Variants in PLCXD2 observed in about 807,000 individuals in gnomAD.
The protein encoded by PLCXD2 is PI-PLC X domain-containing protein 2.
Under a neutral mutation model 28.6 loss-of-function variants are expected in PLCXD2, and 21 were observed. The observed-to-expected ratio is 0.73, with a 90% confidence interval of 0.52 to 1.06. PLCXD2 has a LOEUF of 1.06. Ranked by LOEUF, PLCXD2 falls within the 50% of genes least tolerant of loss-of-function variation. PLCXD2 has a pLI of 0.00. For synonymous variants in PLCXD2, 140 were observed against 150.1 expected, an observed-to-expected ratio of 0.93 and a Z score of 0.49; for missense variants, 369 against 376.7, an observed-to-expected ratio of 0.98 and a Z score of 0.17.
At chr3:111,686,482 C>G (rs1025396032) in intron 1 of PLCXD2, among the ~76,000 whole-genome samples, 4 of 152,198 alleles carry the variant, frequency 2.6e-5, no homozygotes, top group Non-Finnish European at 4.4e-5. Context: ...TATGAATACT[C>G]TCCCACATGC....
intron 1 of PLCXD2, among the ~76,000 whole-genome samples, chr3:111,682,372 T>C (rs2107839913): frequency 6.6e-6 from 1 of 152,352 alleles, no homozygotes; most frequent in East Asian, 1.9e-4. Flanking sequence ...CATTGTCTAC[T>C]AAGCAGCTAA....
At chr3:111,696,474 C>G (rs953891413) in intron 1 of PLCXD2, among the ~76,000 whole-genome samples, 1 of 152,012 alleles carries the variant, frequency 6.6e-6, no homozygotes, top group East Asian at 1.9e-4. Flanking sequence ...ATTAGGAAAA[C>G]TAAATTTGAC....
chr3:111,717,710 T>G (rs1941287374), intron 3 of PLCXD2, among the ~76,000 whole-genome samples: 1 of 152,204 alleles, frequency 6.6e-6, no homozygotes, highest in South Asian at 2.1e-4. Flanking sequence ...CATTTCCCTG[T>G]AATGACCAGC....
At chr3:111,702,451 G>A (rs1421438114) in intron 1 of PLCXD2, among the ~76,000 whole-genome samples, 1 of 152,180 alleles carries the variant, frequency 6.6e-6, no homozygotes, top group African/African-American at 2.4e-5. Flanking sequence ...AGACAATCGT[G>A]TGTGGAGTAA....
intron 3 of PLCXD2, among the ~76,000 whole-genome samples, chr3:111,719,167 A>T (rs144790681): frequency 6.6e-6 from 1 of 152,318 alleles, no homozygotes; most frequent in Admixed American, 6.5e-5. Flanking sequence ...AAAACATAGG[A>T]TATGTTTGTA....
chr3:111,675,320 G>C lies in PLCXD2; in HGVS notation c.75G>C (p.Lys25Asn), dbSNP rs1940604016. 1 of 1,614,056 alleles carries C rather than the reference G, an allele frequency of 6.2e-7. No individual in the cohort carries two copies. Among genetic ancestry groups the C allele is most frequent in the South Asian group, 1.1e-5 (1 of 91,082 alleles). Residue 25 changes from lysine (K) to asparagine (N), a missense_variant, in exon 1 of 5, where the codon AAG (lysine) becomes AAC (asparagine). By Grantham distance (94) the Lys-to-Asn change is moderately conservative (BLOSUM62 0). Coordinates refer to ENST00000477665, the MANE Select transcript of PLCXD2 (RefSeq NM_001185106.1). ...GCTCCCCCAACCCCAGCGGGACAAAGACATCATCGGAGGTCTGCAATGCCG... is the reference window on the plus strand; with the variant it reads ...GCTCCCCCAACCCCAGCGGGACAAACACATCATCGGAGGTCTGCAATGCCG...
chr3:111,724,616 G>C (rs550257531), intron 3 of PLCXD2: 3 of 152,270 alleles, frequency 2.0e-5, no homozygotes, highest in African/African-American at 7.2e-5. Flanking sequence ...AATGCTAAAG[G>C]TGGAGCAACA....
chr3:111,710,655 GTGT>G (rs1041644949), intron 2 of PLCXD2, among the ~76,000 whole-genome samples: 1 of 152,204 alleles, frequency 6.6e-6, no homozygotes, highest in African/African-American at 2.4e-5. Context: ...TTCACAACTG[GTGT>G]TGTATATTAG....
At chr3:111,713,779 A>ATATGAT in intron 2 of PLCXD2, 108 bp from the exon 3 acceptor site, 1 of 1,247,912 alleles carries the variant, frequency 8.0e-7, no homozygotes, top group African/African-American at 1.5e-5. Context: ...GACTTTCCAC[A>ATATGAT]TATGATTATA....
intron 1 of PLCXD2, among the ~76,000 whole-genome samples, chr3:111,700,408 G>A (rs575173796): frequency 1.3e-5 from 2 of 152,114 alleles, no homozygotes; most frequent in Non-Finnish European, 2.9e-5. Context: ...ACCTTTCTAA[G>A]GGCTAAAATT....
chr3:111,702,651 C>T lies in PLCXD2; in HGVS notation c.164-5275C>T, dbSNP rs116489457. ...ATGAGGTCCTAAGCTGTTTGCTGAC[C>T]TTATCATAAAATAAACTGCTATCCC... On this transcript the variant is annotated intron_variant, in intron 1 of 4. Transcript: ENST00000477665. Among the ~76,000 whole-genome samples, 1,282 of 151,802 alleles carry T rather than the reference C, an allele frequency of 8.4e-3. 10 individuals are homozygous for T. Among genetic ancestry groups the T allele is most frequent in the African/African-American group, 0.03 (1,237 of 41,128 alleles).
intron 1 of PLCXD2, among the ~76,000 whole-genome samples, chr3:111,688,556 G>A (rs1469537382): frequency 1.3e-5 from 2 of 152,184 alleles, no homozygotes; most frequent in Non-Finnish European, 2.9e-5. Flanking sequence ...TAAGTATCCA[G>A]CCCCTTCAGA....
At chr3:111,683,926 GAAGAGAGGGAATGGCCCATTT>G (rs1940754702) in intron 1 of PLCXD2, among the ~76,000 whole-genome samples, 1 of 152,132 alleles carries the variant, frequency 6.6e-6, no homozygotes, top group African/African-American at 2.4e-5. Flanking sequence ...TGAGGATCTT[GAAGAGAGGGAATGGCCCATTT>G]AACAAACCAA....
At chr3:111,690,519 A>G (rs1054059596) in intron 1 of PLCXD2, among the ~76,000 whole-genome samples, 1 of 152,188 alleles carries the variant, frequency 6.6e-6, no homozygotes, top group African/African-American at 2.4e-5. Flanking sequence ...CTGCCTCTAC[A>G]CAGAAAGACC....
At chr3:111,684,937 A>G (rs1209211221) in intron 1 of PLCXD2, among the ~76,000 whole-genome samples, 1 of 152,112 alleles carries the variant, frequency 6.6e-6, no homozygotes, top group East Asian at 1.9e-4. Flanking sequence ...GGCAAAAGAG[A>G]AGGTGCAAGG....
Position 111,675,233 on chromosome 3 carries a change from G to T in PLCXD2, c.-13G>T, listed in dbSNP as rs1381736138. 2 of 1,611,752 alleles carry T rather than the reference G, an allele frequency of 1.2e-6. No individual in the cohort carries two copies. The highest frequency in any genetic ancestry group is 1.6e-4 in the Middle Eastern group (1 of 6,066). On this transcript the variant is annotated 5_prime_UTR_variant, in exon 1 of 5. Transcript: ENST00000477665. The stretch of plus-strand genomic sequence containing the variant: ...GCACTGGGCTGAGACTGGCCAGTTT[G>T]TTAACAACAGGGATGCTAGCAGTTA...
intron 1 of PLCXD2, among the ~76,000 whole-genome samples, chr3:111,681,451 A>G (rs1013624383): frequency 4.6e-5 from 7 of 152,156 alleles, no homozygotes; most frequent in Non-Finnish European, 7.4e-5. Context: ...GAGAGTGGGA[A>G]TGTTACAAAA....
chr3:111,691,316 A>AC (rs1559792900), intron 1 of PLCXD2: 1 of 152,260 alleles, frequency 6.6e-6, no homozygotes, highest in Admixed American at 6.5e-5. Context: ...TTCTTAAGAT[A>AC]GAAGAGACCC....
At chr3:111,720,825 G>T (rs1386344526) in intron 3 of PLCXD2, 1 of 416,680 alleles carries the variant, frequency 2.4e-6, no homozygotes, top group Non-Finnish European at 4.4e-6. Context: ...ACTTTGCTGC[G>T]ACTGTCATCA....
Sources: allele counts gnomAD v4.1 joint callset (sites outside exome capture counted in the v4.1 genomes callset), GRCh38; gene constraint gnomAD v4.1.1; transcripts MANE v1.5; gene names NCBI Gene and HGNC (gene_info 2026-07-23, HGNC 2026-07-21).